The following KIAA1217 variants were observed in gnomAD, a reference collection of about 807,000 sequenced individuals.
KIAA1217 encodes KIAA1217, also known as sickle tail protein homolog.
A neutral mutation model predicts 163.9 loss-of-function variants in KIAA1217; 88 were observed. The observed-to-expected ratio is 0.54, with a 90% CI of 0.45 to 0.64. The LOEUF (loss-of-function observed/expected upper bound fraction) is 0.64, where lower values mean the gene tolerates loss of function less well. Among genes scored for constraint, KIAA1217 ranks in the 30% least tolerant of loss-of-function variants. KIAA1217 has a pLI of 0.00. For synonymous variants in KIAA1217, 903 were observed against 923.1 expected (o/e 0.98, Z 0.39); for missense variants, 2,372 against 2,475.0 (o/e 0.96, Z 0.88).
intron 1 of KIAA1217, among the ~76,000 whole-genome samples, chr10:23,988,787 C>A (rs10764441): frequency 0.21 from 31,189 of 152,040 alleles, 3,332 homozygotes; most frequent in East Asian, 0.34. Flanking sequence ...AGTTTCAAGG[C>A]ACCATAAAAT....
At chr10:23,990,682 CAT>C (rs1438490261) in intron 1 of KIAA1217, among the ~76,000 whole-genome samples, 1 of 152,014 alleles carries the variant, frequency 6.6e-6, no homozygotes, top group Non-Finnish European at 1.5e-5. Flanking sequence ...TTTGCAAAAA[CAT>C]TAAATTACTA....
chr10:24,381,400 C>T (rs945193310), intron 3 of KIAA1217, among the ~76,000 whole-genome samples: 3 of 152,140 alleles, frequency 2.0e-5, no homozygotes, highest in African/African-American at 7.2e-5. Flanking sequence ...CAGTCTGTGG[C>T]CTGTTAGGAA....
intron 2 of KIAA1217, among the ~76,000 whole-genome samples, chr10:24,151,480 G>A (rs1474879735): frequency 6.9e-6 from 1 of 145,670 alleles, no homozygotes; most frequent in Non-Finnish European, 1.5e-5. Flanking sequence ...ATGGTTCAAG[G>A]TTCTATGACA....
chr10:23,874,898 C>T (rs1840611733), intron 1 of KIAA1217, among the ~76,000 whole-genome samples: 1 of 151,992 alleles, frequency 6.6e-6, no homozygotes, highest in Non-Finnish European at 1.5e-5. Flanking sequence ...TGCAGTTTGT[C>T]AGGCTGTGCA....
At chr10:24,320,766 G>A (rs139381886) in intron 2 of KIAA1217, among the ~76,000 whole-genome samples, 32 of 152,228 alleles carry the variant, frequency 2.1e-4, no homozygotes, top group African/African-American at 6.7e-4. Flanking sequence ...CAGAGAGGCC[G>A]GGCTCAGTGG....
intron 1 of KIAA1217, among the ~76,000 whole-genome samples, chr10:24,211,798 CGGTGATAA>C (rs1315867063): frequency 6.6e-6 from 1 of 151,622 alleles, no homozygotes; most frequent in Non-Finnish European, 1.5e-5. Flanking sequence ...GATTAGCAGG[CGGTGATAA>C]GCCAGCAGAT....
chr10:23,880,693 A>G (rs1326483238), intron 1 of KIAA1217, among the ~76,000 whole-genome samples: 3 of 152,000 alleles, frequency 2.0e-5, no homozygotes, highest in African/African-American at 4.8e-5. Flanking sequence ...GCATGCTTGT[A>G]TGAAAATATC....
chr10:24,377,863 G>A (rs577419779), intron 2 of KIAA1217, among the ~76,000 whole-genome samples: 38 of 152,200 alleles, frequency 2.5e-4, no homozygotes, highest in Middle Eastern at 3.4e-3. Context: ...GTTGGTCAGC[G>A]GTGGTTTGCT....
intron 1 of KIAA1217, among the ~76,000 whole-genome samples, chr10:23,719,435 G>C (rs1217412911): frequency 1.3e-5 from 2 of 152,040 alleles, no homozygotes; most frequent in East Asian, 3.9e-4. Context: ...ACAAAAATTA[G>C]CTAGGTGTGG....
intron 2 of KIAA1217, among the ~76,000 whole-genome samples, chr10:24,114,292 T>C (rs2062966221): frequency 6.6e-6 from 1 of 151,942 alleles, no homozygotes; most frequent in African/African-American, 2.4e-5. Context: ...TATACATAGG[T>C]AACTAACCTG....
chr10:23,962,506 T>C (rs1331245744), intron 1 of KIAA1217, among the ~76,000 whole-genome samples: 1 of 152,236 alleles, frequency 6.6e-6, no homozygotes, highest in Non-Finnish European at 1.5e-5. Flanking sequence ...CAAATGGGAA[T>C]TCTCTTGGTC....
At chr10:24,027,361 C>T (rs1848001030) in intron 2 of KIAA1217, among the ~76,000 whole-genome samples, 1 of 152,128 alleles carries the variant, frequency 6.6e-6, no homozygotes, top group African/African-American at 2.4e-5. Context: ...TGCGCAATAT[C>T]TGAAAACTAT....
intron 2 of KIAA1217, among the ~76,000 whole-genome samples, chr10:24,193,660 C>A (rs1303246224): frequency 6.6e-6 from 1 of 152,182 alleles, no homozygotes; most frequent in Non-Finnish European, 1.5e-5. Context: ...CTGCGCCATG[C>A]AGAACTGCGC....
chr10:24,433,228 G>A (rs1418905052), intron 4 of KIAA1217, 35 bp downstream of exon 4: 1 of 1,538,956 alleles, frequency 6.5e-7, no homozygotes, highest in African/African-American at 1.4e-5. Context: ...CTGCCATTTT[G>A]CCTTAGAGTT....
intron 3 of KIAA1217, among the ~76,000 whole-genome samples, chr10:24,401,175 C>T (rs571586168): frequency 1.4e-5 from 2 of 145,352 alleles, no homozygotes; most frequent in Non-Finnish European, 2.9e-5. Flanking sequence ...AAAGAAGTTA[C>T]CATCAACCAA....
At position 23,744,135 on chromosome 10, in the gene KIAA1217, G is replaced by A. The variant is rs115926940; in HGVS notation, c.-321+48901G>A. Among the ~76,000 whole-genome samples the A allele has an allele frequency of 9.1e-3, 1,383 of 152,280 alleles. 20 individuals carry two copies. The highest frequency in any genetic ancestry group is 0.032 in the African/African-American group (1,317 of 41,548). On this transcript the variant is annotated intron_variant, in intron 1 of 18. Coordinates refer to the KIAA1217 transcript ENST00000376462. ...CAGGGCCAAATCCAACAGGAAGTTG[G>A]CAACCTTGGAATTATGGGCTTTAAA...
intron 2 of KIAA1217, among the ~76,000 whole-genome samples, chr10:24,115,964 C>G (rs994573541): frequency 6.6e-6 from 1 of 152,178 alleles, no homozygotes; most frequent in African/African-American, 2.4e-5. Context: ...TCCATTTACT[C>G]ACTTGTAACT....
At chr10:23,963,655 G>T (rs1844920976) in intron 1 of KIAA1217, among the ~76,000 whole-genome samples, 1 of 152,112 alleles carries the variant, frequency 6.6e-6, no homozygotes, top group Non-Finnish European at 1.5e-5. Flanking sequence ...TGGGTCAAAT[G>T]GTATTTCTGG....
chr10:24,522,036 C>T, intron 12 of KIAA1217, 107 bp downstream of exon 12: 1 of 1,258,998 alleles, frequency 7.9e-7, no homozygotes, highest in Middle Eastern at 2.8e-4. Context: ...CAGGACACAT[C>T]CAGTGTCCTG....
Sources: gnomAD v4.1 joint callset for allele counts (sites outside exome capture counted in the v4.1 genomes callset) on GRCh38, gnomAD v4.1.1 for gene constraint, MANE v1.5 for transcripts, NCBI Gene and HGNC (gene_info 2026-07-23, HGNC 2026-07-21) for gene names.